The following CNOT6L variants were observed in gnomAD, a reference collection of about 807,000 sequenced individuals.
CNOT6L encodes CCR4-NOT transcription complex subunit 6 like, also known as CCR4-NOT transcription complex subunit 6-like.
In CNOT6L, 7 loss-of-function variants were observed where a neutral mutation model predicts 64.0. The ratio of observed to expected loss-of-function variants is 0.11; its 90% CI spans 0.06 to 0.21. CNOT6L has a LOEUF of 0.21. Among genes scored for constraint, CNOT6L ranks in the 10% least tolerant of loss-of-function variants. The pLI is 1.00. For synonymous variants in CNOT6L, 193 were observed against 243.4 expected (o/e 0.79, Z 1.93); for missense variants, 245 against 669.0 (o/e 0.37, Z 6.99).
chr4:77,767,014 G>A lies in CNOT6L; in HGVS notation c.400+6067C>T, dbSNP rs1297844557. Among the ~76,000 whole-genome samples the A allele has an allele frequency of 2.5e-5, 3 of 121,124 alleles. No individual in the cohort carries two copies. The East Asian group carries it at 8.0e-4, about 32-fold the overall frequency. The allele number at this position is 121,124 out of a possible 152,430, so 79.5% of individuals were successfully genotyped here. On this transcript the variant is annotated intron_variant, in intron 4 of 11. Coordinates refer to ENST00000504123, the MANE Select transcript of CNOT6L (RefSeq NM_144571.3). ...GGAGGCAGTGGTTGCAGTGAGCCAA[G>A]ATCGCGCCACTGCACTCCAGCCTGG...
At chr4:77,786,900 T>G (rs928644931) in intron 1 of CNOT6L, among the ~76,000 whole-genome samples, 1 of 152,254 alleles carries the variant, frequency 6.6e-6, no homozygotes, top group African/African-American at 2.4e-5. Flanking sequence ...TTCAAAAATC[T>G]GCTTCTATTT....
intron 2 of CNOT6L, 48 bp from the exon 3 acceptor site, chr4:77,774,764 T>G (rs536514847): frequency 7.8e-7 from 1 of 1,273,974 alleles, no homozygotes; most frequent in Non-Finnish European, 1.1e-6. Context: ...AGGCCCAAGA[T>G]GACACCTAAA....
At chr4:77,768,194 G>A (rs529921973) in intron 4 of CNOT6L, among the ~76,000 whole-genome samples, 105 of 151,922 alleles carry the variant, frequency 6.9e-4, no homozygotes, top group Middle Eastern at 3.4e-3. Context: ...GCAGGGCGTG[G>A]TGGCTCACAC....
intron 1 of CNOT6L, among the ~76,000 whole-genome samples, chr4:77,816,549 T>C (rs1733596961): frequency 6.6e-6 from 1 of 152,166 alleles, no homozygotes; most frequent in South Asian, 2.1e-4. Context: ...AGCCCCTCAA[T>C]GATGAGAGCT....
At chr4:77,774,738 T>G in intron 2 of CNOT6L, 22 bp from the exon 3 acceptor site, 1 of 1,478,548 alleles carries the variant, frequency 6.8e-7, no homozygotes, top group Non-Finnish European at 9.0e-7. Context: ...AATACTGAAG[T>G]GTAAAAAAAA....
rs755779345 is a variant in CNOT6L at position 77,776,359 on chromosome 4, A to G, written c.39T>C (p.Pro13=). 12 of 1,608,738 alleles carry G rather than the reference A, an allele frequency of 7.5e-6. No homozygotes were observed. Among genetic ancestry groups the G allele is most frequent in the African/African-American group, 1.3e-5 (1 of 74,410 alleles). Residue 13 remains proline, a synonymous_variant, in exon 2 of 12, where the codon CCT becomes CCC. Transcript: ENST00000504123. ...TGGTATAAATTCTGCGAGGATCTGGAGGATCATATTTTTCCTTTGGCATCC... is the reference window on the plus strand; with the variant it reads ...TGGTATAAATTCTGCGAGGATCTGGGGGATCATATTTTTCCTTTGGCATCC... The part of the protein sequence containing the change: ...LIGMPKEKYD[P]PDPRRIYTIM...
chr4:77,813,581 T>G (rs563707242), intron 1 of CNOT6L, among the ~76,000 whole-genome samples: 2 of 152,126 alleles, frequency 1.3e-5, no homozygotes, highest in Non-Finnish European at 1.5e-5. Flanking sequence ...AAACTCATTA[T>G]AAAAATGGGC....
At chr4:77,792,482 T>C (rs1280626758) in intron 1 of CNOT6L, among the ~76,000 whole-genome samples, 1 of 151,992 alleles carries the variant, frequency 6.6e-6, no homozygotes, top group Non-Finnish European at 1.5e-5. Context: ...TCCCAGTACT[T>C]TGGGAGGCTG....
intron 1 of CNOT6L, among the ~76,000 whole-genome samples, chr4:77,809,724 T>C (rs1732690027): frequency 6.6e-6 from 1 of 152,162 alleles, no homozygotes; most frequent in Admixed American, 6.5e-5. Context: ...TTAGCAGTAT[T>C]TGTAGCTGGT....
In CNOT6L at chr4:77,767,921, G is replaced by GCT. The variant is rs35326428; in HGVS notation, c.400+5159_400+5160insAG. The stretch of plus-strand genomic sequence containing the variant: ...TTGAACCCAGGAGGCAGAGGTTGCA[G>GCT]CAAGCTGAGATTTGCACCATTGTAC... On this transcript the variant is annotated intron_variant, in intron 4 of 11. Coordinates refer to ENST00000504123, the MANE Select transcript of CNOT6L (RefSeq NM_144571.3). Among the ~76,000 whole-genome samples, 214 of 144,396 alleles carry GCT rather than the reference G, an allele frequency of 1.5e-3. 1 individual carries two copies. The highest frequency in any genetic ancestry group is 2.6e-3 in the Non-Finnish European group (172 of 67,172). The allele number at this position is 144,396 out of a possible 152,430, so 94.7% of individuals were successfully genotyped here. A position where few individuals can be genotyped will look rare whatever the true frequency, so the allele number is the denominator to read the frequency against.
chr4:77,740,497 T>C (rs569784261), intron 8 of CNOT6L, among the ~76,000 whole-genome samples: 20 of 152,318 alleles, frequency 1.3e-4, no homozygotes, highest in Admixed American at 2.6e-4. Context: ...TTACAGTAGT[T>C]AAAAGCATGG....
chr4:77,734,383 C>T (rs1282073756), intron 8 of CNOT6L, among the ~76,000 whole-genome samples: 2 of 152,120 alleles, frequency 1.3e-5, no homozygotes, highest in Admixed American at 6.5e-5. Context: ...GCATTTAGAA[C>T]AATACTATTC....
chr4:77,791,320 A>G (rs1040268513), intron 1 of CNOT6L, among the ~76,000 whole-genome samples: 1 of 152,124 alleles, frequency 6.6e-6, no homozygotes, highest in African/African-American at 2.4e-5. Flanking sequence ...TCTTTGTCAT[A>G]TTTCTGATAG....
intron 1 of CNOT6L, among the ~76,000 whole-genome samples, chr4:77,786,603 T>C (rs1416034476): frequency 6.6e-6 from 1 of 152,052 alleles, no homozygotes; most frequent in Non-Finnish European, 1.5e-5. Context: ...GCCTCCCAAG[T>C]AGCTGGGACT....
At chr4:77,737,484 C>T (rs1438854624) in intron 8 of CNOT6L, among the ~76,000 whole-genome samples, 1 of 141,490 alleles carries the variant, frequency 7.1e-6, no homozygotes, top group African/African-American at 2.6e-5. Context: ...TGCAACGGCA[C>T]GATCTTGGCT....
chr4:77,776,491 G>A, intron 1 of CNOT6L, 99 bp from the exon 2 acceptor site: 1 of 765,204 alleles, frequency 1.3e-6, no homozygotes, highest in Non-Finnish European at 2.0e-6. Flanking sequence ...CCCATTACCA[G>A]TCTAGTAAGT....
At chr4:77,769,720 T>G (rs1390159351) in intron 4 of CNOT6L, among the ~76,000 whole-genome samples, 1 of 152,190 alleles carries the variant, frequency 6.6e-6, no homozygotes, top group African/African-American at 2.4e-5. Flanking sequence ...TGTTAATTAT[T>G]CTTTTATATT....
chr4:77,808,695 A>T (rs1475646935), intron 1 of CNOT6L, among the ~76,000 whole-genome samples: 1 of 152,162 alleles, frequency 6.6e-6, no homozygotes, highest in Non-Finnish European at 1.5e-5. Flanking sequence ...AAGATATTAC[A>T]GTAGTCTATT....
At chr4:77,744,252 A>C (rs1321306014) in intron 7 of CNOT6L, among the ~76,000 whole-genome samples, 2 of 152,156 alleles carry the variant, frequency 1.3e-5, no homozygotes, top group African/African-American at 2.4e-5. Context: ...TAAATTTCAG[A>C]GATGGTTTAT....
Sources: allele counts gnomAD v4.1 joint callset (sites outside exome capture counted in the v4.1 genomes callset), GRCh38; gene constraint gnomAD v4.1.1; transcripts MANE v1.5; gene names NCBI Gene and HGNC (gene_info 2026-07-23, HGNC 2026-07-21).